The following CNST variants were observed in gnomAD, a reference collection of about 807,000 sequenced individuals.
The protein encoded by CNST is consortin.
In CNST, 39 loss-of-function variants were observed where a neutral mutation model predicts 72.4. That is an observed-to-expected ratio of 0.54 (90% CI 0.42 to 0.70). CNST has a LOEUF of 0.70. Among genes scored for constraint, CNST ranks in the 30% least tolerant of loss-of-function variants. CNST has a pLI of 0.00. For missense variants in CNST, 871 were observed against 868.5 expected (o/e 1.00, Z -0.04); for synonymous variants, 332 against 320.1 (o/e 1.04, Z -0.40).
At position 246,648,018 on chromosome 1, in the gene CNST, A is replaced by G. The variant is rs775297829; in HGVS notation, c.1817A>G (p.Lys606Arg). The G allele has an allele frequency of 6.2e-7, 1 of 1,611,458 alleles. No homozygotes were observed. The highest frequency in any genetic ancestry group is 8.5e-7 in the Non-Finnish European group (1 of 1,179,250). ...ESCLSLDDLA[K>R]RIEIAEVVPT... ...TGTCTTTCTCTTGATGATCTTGCCA[A>G]AAGGATAGAGATTGCAGAGGTAAAT... The change falls in exon 9 of 11, where the codon AAA becomes AGA. Residue 606 changes from lysine (K) to arginine (R), a missense_variant. Transcript: ENST00000366513.
At chr1:246,639,187 C>T (rs190104764) in intron 6 of CNST, among the ~76,000 whole-genome samples, 37 of 151,962 alleles carry the variant, frequency 2.4e-4, no homozygotes, top group African/African-American at 6.8e-4. Context: ...CCACGCCGTT[C>T]GTCGGGATAG....
chr1:246,611,317 A>G (rs900383129), intron 2 of CNST, among the ~76,000 whole-genome samples: 6 of 152,272 alleles, frequency 3.9e-5, no homozygotes, highest in African/African-American at 1.4e-4. Context: ...TAAGAAAGTT[A>G]CATCTTATAG....
Position 246,666,009 on chromosome 1 carries a change from TAGGAACCA to T in CNST, c.*109_*116del. The T allele has an allele frequency of 1.2e-6, 1 of 806,492 alleles. No individual in the cohort carries two copies. The highest frequency in any genetic ancestry group is 1.8e-5 in the South Asian group (1 of 56,738). 50.0% of individuals were successfully genotyped at this position (806,492 alleles called of 1,614,324 possible). ...CTGTAGCATTCCCCCTTCCCTCTGT[TAGGAACCA>T]AGGACATCAGAAATAGCAACTTTAA... is the stretch of plus-strand genomic sequence containing the variant. On this transcript the variant is annotated 3_prime_UTR_variant, in exon 11 of 11. Transcript: ENST00000366513.
At chr1:246,646,358 A>T (rs775683053) in intron 8 of CNST, among the ~76,000 whole-genome samples, 6 of 152,146 alleles carry the variant, frequency 3.9e-5, no homozygotes, top group Admixed American at 6.5e-5. Context: ...ATTTGAAGAG[A>T]ACCGAGTTTG....
At chr1:246,650,281 A>G (rs1435556411) in intron 9 of CNST, among the ~76,000 whole-genome samples, 2 of 152,140 alleles carry the variant, frequency 1.3e-5, no homozygotes, top group Non-Finnish European at 2.9e-5. Context: ...TATTAAGTTA[A>G]TACATAATGG....
chr1:246,609,481 G>A (rs747580382), intron 2 of CNST, among the ~76,000 whole-genome samples: 3 of 152,228 alleles, frequency 2.0e-5, no homozygotes, highest in African/African-American at 7.2e-5. Context: ...GGAGGCTGAA[G>A]CAGGAGAATT....
At chr1:246,589,878 T>G (rs1310393529) in intron 1 of CNST, among the ~76,000 whole-genome samples, 2 of 152,230 alleles carry the variant, frequency 1.3e-5, no homozygotes, top group Non-Finnish European at 1.5e-5. Flanking sequence ...ATGATGAGCA[T>G]TTTTTCATGT....
intron 6 of CNST, among the ~76,000 whole-genome samples, chr1:246,637,159 A>G (rs891011948): frequency 6.6e-6 from 1 of 152,148 alleles, no homozygotes; most frequent in African/African-American, 2.4e-5. Flanking sequence ...TTATCTGTTA[A>G]TGTTTTGGAG....
At chr1:246,627,348 C>T (rs1664504305) in intron 3 of CNST, among the ~76,000 whole-genome samples, 1 of 152,228 alleles carries the variant, frequency 6.6e-6, no homozygotes, top group South Asian at 2.1e-4. Context: ...TAACTCACTC[C>T]TTTCCAGGTT....
chr1:246,659,728 T>G (rs1363669679), intron 9 of CNST, among the ~76,000 whole-genome samples: 1 of 152,220 alleles, frequency 6.6e-6, no homozygotes. Flanking sequence ...ACTTTAATGT[T>G]AAAAGCTTGG....
At chr1:246,570,451 A>T (rs958346524) in intron 1 of CNST, among the ~76,000 whole-genome samples, 1 of 152,350 alleles carries the variant, frequency 6.6e-6, no homozygotes, top group South Asian at 2.1e-4. Flanking sequence ...GGCCTAATTA[A>T]TATTCAGTGT....
At chr1:246,632,751 A>G (rs1191859530) in intron 4 of CNST, among the ~76,000 whole-genome samples, 1 of 152,126 alleles carries the variant, frequency 6.6e-6, no homozygotes, top group Non-Finnish European at 1.5e-5. Context: ...AAAGAAGTAG[A>G]ATCACGTGAT....
rs575306468 is a variant in CNST at position 246,650,450 on chromosome 1, C to G, written c.1836+2413C>G. 2.6e-5 allele frequency among the ~76,000 whole-genome samples: 4 copies of G among 152,232 alleles called. No individual in the cohort carries two copies. The South Asian group carries it at 8.3e-4, about 32-fold the overall frequency. ...CTGAATACTTACTACCCTCGCTATT[C>G]TGAAAAGCATGGTTTAACAAAGTCT... is the stretch of plus-strand genomic sequence containing the variant. On this transcript the variant is annotated intron_variant, in intron 9 of 10. Transcript: ENST00000366513.
At chr1:246,654,526 G>T (rs1480829627) in intron 9 of CNST, among the ~76,000 whole-genome samples, 5 of 152,188 alleles carry the variant, frequency 3.3e-5, no homozygotes, top group African/African-American at 9.6e-5. Context: ...CCAAAGTCCT[G>T]TCTAGCTGTA....
rs142623897 is a variant in CNST, at chr1:246,643,276, T to C, written c.937+1239T>C. Among the ~76,000 whole-genome samples the C allele has an allele frequency of 3.2e-4, 49 of 152,318 alleles. No individual in the cohort carries two copies. In the East Asian group the frequency reaches 9.2e-3, roughly 29 times the overall value. ...TCACTTCTGAAACAAGCTAGGGATA[T>C]TGCCTGGGGTCAGTCCTACTAGACT... is the stretch of plus-strand genomic sequence containing the variant. On this transcript the variant is annotated intron_variant, in intron 8 of 10. Transcript: ENST00000366513.
intron 2 of CNST, among the ~76,000 whole-genome samples, chr1:246,604,049 C>T (rs567086473): frequency 4.6e-5 from 7 of 152,250 alleles, no homozygotes; most frequent in African/African-American, 9.6e-5. Flanking sequence ...CTGGCCAACA[C>T]GGTGAAACCC....
intron 2 of CNST, among the ~76,000 whole-genome samples, chr1:246,593,745 C>A (rs1661699679): frequency 6.6e-6 from 1 of 151,986 alleles, no homozygotes; most frequent in Admixed American, 6.6e-5. Context: ...ATTCACCAGG[C>A]CTCTCAATCT....
intron 2 of CNST, among the ~76,000 whole-genome samples, chr1:246,592,471 A>G (rs1259471025): frequency 6.6e-6 from 1 of 152,210 alleles, no homozygotes; most frequent in East Asian, 1.9e-4. Context: ...CTGGCTACAG[A>G]GTGAGACTTC....
At chr1:246,586,082 G>A (rs921939138) in intron 1 of CNST, among the ~76,000 whole-genome samples, 1 of 136,066 alleles carries the variant, frequency 7.3e-6, no homozygotes, top group Non-Finnish European at 1.6e-5. Context: ...CATGTCTTGG[G>A]GGAGAGGGGG....
Sources: allele counts gnomAD v4.1 joint callset (sites outside exome capture counted in the v4.1 genomes callset), GRCh38; gene constraint gnomAD v4.1.1; transcripts MANE v1.5; gene names NCBI Gene and HGNC (gene_info 2026-07-23, HGNC 2026-07-21).